SPATA9: variants seen among roughly 807,000 people sequenced by gnomAD.
SPATA9 encodes the protein spermatogenesis associated 9, also known as spermatogenesis-associated protein 9.
In SPATA9, 27 loss-of-function variants were observed where a neutral mutation model predicts 25.5. That is an observed-to-expected ratio of 1.06 (90% CI 0.78 to 1.46). The LOEUF (loss-of-function observed/expected upper bound fraction) is 1.46. Among genes scored for constraint, SPATA9 ranks in the 40% most tolerant of loss-of-function variants. The pLI is 0.00. For synonymous variants in SPATA9, 102 were observed against 105.7 expected (o/e 0.97, Z 0.21); for missense variants, 282 against 297.5 (o/e 0.95, Z 0.38).
At chr5:95,731,228 C>A in the SPATA9 span, 2 of 1,003,014 alleles carry the variant, frequency 2.0e-6, no homozygotes, top group Non-Finnish European at 2.4e-6. Flanking sequence ...CGCATCCGCC[C>A]GACCCCCGGG....
At chr5:95,709,620 G>A in the SPATA9 span, among the ~76,000 whole-genome samples, 1 of 152,278 alleles carries the variant, frequency 6.6e-6, no homozygotes, top group African/African-American at 2.4e-5. Flanking sequence ...CAGGCAGCCC[G>A]TATCAAGGGA....
At position 95,664,020 on chromosome 5, in the gene SPATA9, A is replaced by T. The variant is rs770107449; in HGVS notation, c.407T>A (p.Ile136Asn). ...QVRKGSLFEI[I>N]SFPAKTALTS... Reference sequence around the variant, plus strand: ...TAAAGCAGTCTTTGCTGGAAAGGAGATGATTTCAAACAAAGAACCCTTTCT... The same window carrying T: ...TAAAGCAGTCTTTGCTGGAAAGGAGTTGATTTCAAACAAAGAACCCTTTCT... Residue 136 changes from isoleucine (I) to asparagine (N), a missense_variant, in exon 4 of 5, where the codon ATC (isoleucine) becomes AAC (asparagine). Coordinates refer to ENST00000274432, the MANE Select transcript of SPATA9 (RefSeq NM_031952.4). 1 of 1,591,540 alleles carries T rather than the reference A, an allele frequency of 6.3e-7. No homozygotes were observed. The highest frequency in any genetic ancestry group is 8.6e-7 in the Non-Finnish European group (1 of 1,166,950).
chr5:95,671,755 A>G (rs556941675), intron 3 of SPATA9, among the ~76,000 whole-genome samples: 12 of 152,288 alleles, frequency 7.9e-5, no homozygotes, highest in African/African-American at 2.6e-4. Flanking sequence ...TTCACTTCCA[A>G]TAAATTTAAT....
Position 95,658,709 on chromosome 5 carries a change from T to A in SPATA9, c.679A>T (p.Lys227Ter), listed in dbSNP as rs1197862460. The A allele has an allele frequency of 1.2e-6, 2 of 1,613,786 alleles. No individual in the cohort carries two copies. Among genetic ancestry groups the A allele is most frequent in the Admixed American group, 1.7e-5 (1 of 59,950 alleles). Reference sequence around the variant, plus strand: ...TTACTCTGCTTATTAGCAAGAAGCTTGGGGTAATCTGAAATGTCTGGCTTC... The same window carrying A: ...TTACTCTGCTTATTAGCAAGAAGCTAGGGGTAATCTGAAATGTCTGGCTTC... ...PEKPDISDYP[K>*]LLANKQSNNI... is the part of the protein sequence containing the mutation. Residue 227 changes from lysine (K) to a stop codon, truncating the protein, a stop_gained, in exon 5 of 5, where the codon AAG becomes TAG. Transcript: ENST00000274432. LOFTEE classifies it high-confidence loss of function.
chr5:95,654,985 A>G (rs1196898443), downstream of SPATA9, among the ~76,000 whole-genome samples: 1 of 152,168 alleles, frequency 6.6e-6, no homozygotes, highest in African/African-American at 2.4e-5. Context: ...GAACGGGGGA[A>G]GTTGTCTTTG....
chr5:95,671,894 C>G (rs1232715540), intron 3 of SPATA9, among the ~76,000 whole-genome samples: 1 of 145,012 alleles, frequency 6.9e-6, no homozygotes, highest in Admixed American at 6.9e-5. Context: ...TACATGTACC[C>G]TAAAACTTAA....
At chr5:95,725,682 T>C in the SPATA9 span, among the ~76,000 whole-genome samples, 1 of 152,266 alleles carries the variant, frequency 6.6e-6, no homozygotes, top group African/African-American at 2.4e-5. Context: ...ATTTACTACT[T>C]GTATAACCTC....
At chr5:95,683,105 G>T, upstream of SPATA9, 1 of 874,616 alleles carries the variant, frequency 1.1e-6, no homozygotes, top group Non-Finnish European at 1.5e-6. Context: ...AAGGGAAGGA[G>T]TGAGGGGATT....
chr5:95,657,310 T>TG (rs1443981081), downstream of SPATA9: 2 of 151,982 alleles, frequency 1.3e-5, no homozygotes, highest in Admixed American at 1.3e-4. Context: ...GTTGCAATGA[T>TG]GGTCATACCG....
chr5:95,652,807 AC>A, downstream of SPATA9: 1 of 342,668 alleles, frequency 2.9e-6, no homozygotes, highest in Non-Finnish European at 5.3e-6. Context: ...TACAGCATCA[AC>A]CCCCTGCGGC....
upstream of SPATA9, among the ~76,000 whole-genome samples, chr5:95,683,495 T>C (rs1192793960): frequency 6.6e-6 from 1 of 152,180 alleles, no homozygotes; most frequent in African/African-American, 2.4e-5. Flanking sequence ...CTTGATACCA[T>C]GCAGACTTGA....
downstream of SPATA9, chr5:95,652,334 G>A: frequency 6.4e-7 from 1 of 1,550,432 alleles, no homozygotes. Flanking sequence ...CTCTCCAAGT[G>A]AGTCCATAGA....
chr5:95,683,541 G>C (rs1753622292), upstream of SPATA9, among the ~76,000 whole-genome samples: 1 of 152,056 alleles, frequency 6.6e-6, no homozygotes, highest in South Asian at 2.1e-4. Context: ...TAGTTTGTTT[G>C]TTTGTTTGTT....
chr5:95,719,352 G>C, the SPATA9 span, among the ~76,000 whole-genome samples: 1 of 152,190 alleles, frequency 6.6e-6, no homozygotes, highest in Non-Finnish European at 1.5e-5. Flanking sequence ...TGGAATTCCA[G>C]AAGGTGAACT....
In SPATA9 at chr5:95,697,536, A is replaced by G. The variant is rs115425116; in HGVS notation, n.124+1052T>C. Among the ~76,000 whole-genome samples the G allele has an allele frequency of 8.5e-3, 1,296 of 152,290 alleles. 18 individuals carry two copies. The highest frequency in any genetic ancestry group is 0.028 in the African/African-American group (1,152 of 41,554). On this transcript the variant is annotated intron_variant and non_coding_transcript_variant, in intron 1 of 2. Coordinates refer to the SPATA9 transcript ENST00000379990. ...CAGTCATTTTATAACTAATCTCAGT[A>G]TGATAGCTCATCACTAGAGACAATC...
the SPATA9 span, among the ~76,000 whole-genome samples, chr5:95,711,841 A>C: frequency 6.6e-6 from 1 of 152,238 alleles, no homozygotes; most frequent in East Asian, 1.9e-4. Flanking sequence ...TGATTTTTAC[A>C]GGGAACCTGA....
chr5:95,716,975 T>C, the SPATA9 span: 69 of 152,462 alleles, frequency 4.5e-4, no homozygotes, highest in Middle Eastern at 3.4e-3. Flanking sequence ...TGTGAGTCCA[T>C]TAAACCTCTT....
chr5:95,691,322 C>A (rs748324345), intron 1 of SPATA9, among the ~76,000 whole-genome samples: 8 of 152,040 alleles, frequency 5.3e-5, no homozygotes, highest in Non-Finnish European at 1.0e-4. Context: ...TGTTTTAGTA[C>A]CACAGATTAA....
chr5:95,710,222 C>T, the SPATA9 span, among the ~76,000 whole-genome samples: 1 of 152,140 alleles, frequency 6.6e-6, no homozygotes, highest in Admixed American at 6.5e-5. Context: ...TCTCTAGGGG[C>T]ATATCTTGAA....
Sources: allele counts gnomAD v4.1 joint callset (sites outside exome capture counted in the v4.1 genomes callset), GRCh38; gene constraint gnomAD v4.1.1; transcripts MANE v1.5; gene names NCBI Gene and HGNC (gene_info 2026-07-23, HGNC 2026-07-21).